The following ADGRL3 variants were observed in gnomAD, a reference collection of about 807,000 sequenced individuals.
The protein encoded by ADGRL3 is calcium-independent alpha-latrotoxin receptor 3.
Under a neutral mutation model 153.5 loss-of-function variants are expected in ADGRL3, and 62 were observed. The ratio of observed to expected loss-of-function variants is 0.40; its 90% CI spans 0.33 to 0.50. The LOEUF (loss-of-function observed/expected upper bound fraction) is 0.50. ADGRL3 is among the 20% of genes least tolerant of loss of function. The pLI is 0.47. For synonymous variants in ADGRL3, 710 were observed against 672.5 expected (o/e 1.06, Z -0.86); for missense variants, 1,641 against 1,859.4 (o/e 0.88, Z 2.16).
At chr4:62,012,690 A>G (rs7656446) in intron 21 of ADGRL3, among the ~76,000 whole-genome samples, 53 of 152,284 alleles carry the variant, frequency 3.5e-4, no homozygotes, top group African/African-American at 1.2e-3. Context: ...GCCATGCTCA[A>G]AAAGCTTTAA....
At chr4:61,899,655 AAAAC>A (rs918071926) in intron 11 of ADGRL3, among the ~76,000 whole-genome samples, 14 of 152,154 alleles carry the variant, frequency 9.2e-5, no homozygotes, top group South Asian at 4.1e-4. Context: ...GTTTATGGTT[AAAAC>A]AAACAAACAA....
intron 5 of ADGRL3, among the ~76,000 whole-genome samples, chr4:61,661,703 T>C (rs563709206): frequency 6.6e-6 from 1 of 152,166 alleles, no homozygotes; most frequent in Non-Finnish European, 1.5e-5. Context: ...TATTTCATTA[T>C]AATATCTTTC....
intron 4 of ADGRL3, among the ~76,000 whole-genome samples, chr4:61,533,134 C>T (rs1301445601): frequency 2.0e-5 from 3 of 152,138 alleles, no homozygotes; most frequent in Non-Finnish European, 2.9e-5. Flanking sequence ...TTGATAAGGA[C>T]GTTTCTGGCC....
At chr4:61,821,383 A>AC (rs1455028910) in intron 9 of ADGRL3, among the ~76,000 whole-genome samples, 1 of 151,552 alleles carries the variant, frequency 6.6e-6, no homozygotes, top group Non-Finnish European at 1.5e-5. Context: ...ATTTTTTGAG[A>AC]CAGAGTTTTG....
chr4:61,980,523 T>A (rs1419806470), intron 18 of ADGRL3, among the ~76,000 whole-genome samples: 1 of 151,868 alleles, frequency 6.6e-6, no homozygotes, highest in Non-Finnish European at 1.5e-5. Flanking sequence ...CACTGCAATC[T>A]CCACCTCCCA....
chr4:61,932,488 G>A (rs1300800219), intron 13 of ADGRL3, among the ~76,000 whole-genome samples: 1 of 152,016 alleles, frequency 6.6e-6, no homozygotes, highest in Non-Finnish European at 1.5e-5. Context: ...GTTGATTTTT[G>A]TATGTTGAAC....
At chr4:61,903,957 T>C (rs2098680841) in intron 11 of ADGRL3, among the ~76,000 whole-genome samples, 1 of 151,562 alleles carries the variant, frequency 6.6e-6, no homozygotes, top group African/African-American at 2.4e-5. Context: ...TTTGTAGACA[T>C]AGGGCTTCCC....
intron 5 of ADGRL3, among the ~76,000 whole-genome samples, chr4:61,658,768 A>C (rs1276191168): frequency 6.6e-6 from 1 of 151,994 alleles, no homozygotes; most frequent in South Asian, 2.1e-4. Flanking sequence ...TCATTTCATC[A>C]AGCTGATTGA....
intron 5 of ADGRL3, among the ~76,000 whole-genome samples, chr4:61,641,521 G>C (rs1482479565): frequency 6.8e-6 from 1 of 146,542 alleles, no homozygotes; most frequent in Non-Finnish European, 1.5e-5. Context: ...CCACCTATGA[G>C]TGAGAATATG....
At chr4:61,720,200 C>T (rs2096213546) in intron 6 of ADGRL3, among the ~76,000 whole-genome samples, 1 of 151,266 alleles carries the variant, frequency 6.6e-6, no homozygotes, top group Non-Finnish European at 1.5e-5. Flanking sequence ...AGGGATTCTT[C>T]TGCCTCAGCC....
intron 21 of ADGRL3, among the ~76,000 whole-genome samples, chr4:62,024,639 C>A (rs556158539): frequency 6.6e-6 from 1 of 151,940 alleles, no homozygotes; most frequent in Non-Finnish European, 1.5e-5. Context: ...GAATTAAATT[C>A]TGAATGCCAG....
At chr4:61,817,228 G>C (rs557111924) in intron 9 of ADGRL3, among the ~76,000 whole-genome samples, 1 of 150,384 alleles carries the variant, frequency 6.6e-6, no homozygotes, top group East Asian at 2.0e-4. Context: ...ACAGGTTCCC[G>C]GGCTGAAAGG....
chr4:61,808,754 G>GTTTT (rs2097577260), intron 8 of ADGRL3, among the ~76,000 whole-genome samples: 1 of 145,068 alleles, frequency 6.9e-6, no homozygotes, highest in Admixed American at 6.9e-5. Flanking sequence ...TTGTTTGTTT[G>GTTTT]TTTCAGCAGT....
At chr4:61,227,373 G>A (rs1434222613) in intron 1 of ADGRL3, among the ~76,000 whole-genome samples, 1 of 151,968 alleles carries the variant, frequency 6.6e-6, no homozygotes, top group East Asian at 1.9e-4. Flanking sequence ...GACTGGCTAA[G>A]TTTTAAATTA....
At chr4:61,225,440 C>G (rs1747507900) in intron 1 of ADGRL3, among the ~76,000 whole-genome samples, 1 of 152,178 alleles carries the variant, frequency 6.6e-6, no homozygotes, top group Non-Finnish European at 1.5e-5. Flanking sequence ...TTGCCTGTCT[C>G]TATTCTGATA....
chr4:61,621,739 C>T (rs1200741689), intron 5 of ADGRL3, among the ~76,000 whole-genome samples: 2 of 151,874 alleles, frequency 1.3e-5, no homozygotes, highest in African/African-American at 4.8e-5. Context: ...GATAGCAGCG[C>T]TAATTAATTG....
chr4:61,387,220 G>T (rs993819609), intron 2 of ADGRL3, among the ~76,000 whole-genome samples: 1 of 152,066 alleles, frequency 6.6e-6, no homozygotes, highest in Non-Finnish European at 1.5e-5. Flanking sequence ...AAGAGGTGTG[G>T]GTGACAGACA....
chr4:61,363,334 C>T (rs970632778), intron 1 of ADGRL3, among the ~76,000 whole-genome samples: 43 of 138,452 alleles, frequency 3.1e-4, no homozygotes, highest in South Asian at 1.1e-3. Context: ...AAGTAAAAGC[C>T]GGTAATTTTT....
At chr4:61,254,943 A>C (rs10018940) in intron 1 of ADGRL3, among the ~76,000 whole-genome samples, 109,991 of 151,920 alleles carry the variant, frequency 0.72, 40,018 homozygotes, top group East Asian at 0.76. Context: ...GGCTTCCTTC[A>C]TTCTTATGTC....
Sources: allele counts gnomAD v4.1 joint callset (sites outside exome capture counted in the v4.1 genomes callset), GRCh38; gene constraint gnomAD v4.1.1; transcripts MANE v1.5; gene names NCBI Gene and HGNC (gene_info 2026-07-23, HGNC 2026-07-21).